FER: variants seen among roughly 807,000 people sequenced by gnomAD.
The protein encoded by FER is tyrosine-protein kinase Fer.
In FER, 63 loss-of-function variants were observed where a neutral mutation model predicts 111.0. The observed-to-expected ratio is 0.57, with a 90% confidence interval of 0.46 to 0.70. The LOEUF is 0.70. FER is among the 30% of genes least tolerant of loss of function. The probability of loss-of-function intolerance (pLI) is 0.00; values close to 1 mark genes in which losing one functional copy is unlikely to be tolerated. For synonymous variants in FER, 327 were observed against 313.9 expected, an observed-to-expected ratio of 1.04 and a Z score of -0.44; for missense variants, 914 against 954.0, an observed-to-expected ratio of 0.96 and a Z score of 0.55.
chr5:109,176,945 T>C (rs1384594656), intron 17 of FER, among the ~76,000 whole-genome samples: 2 of 152,214 alleles, frequency 1.3e-5, no homozygotes, highest in African/African-American at 2.4e-5. Context: ...GTCAGGTTTG[T>C]AAACAAATAT....
chr5:108,909,104 G>C (rs150753903), intron 10 of FER, among the ~76,000 whole-genome samples: 1 of 152,286 alleles, frequency 6.6e-6, no homozygotes, highest in African/African-American at 2.4e-5. Context: ...TTTTGACAAT[G>C]TATGTAGTGA....
chr5:108,792,013 G>C (rs370525872), intron 2 of FER, among the ~76,000 whole-genome samples: 51 of 152,274 alleles, frequency 3.3e-4, no homozygotes, highest in African/African-American at 9.9e-4. Flanking sequence ...TTTGCATTTG[G>C]CCCCTCTAGT....
intron 1 of FER, among the ~76,000 whole-genome samples, chr5:108,764,725 A>C (rs1400985373): frequency 6.6e-6 from 1 of 152,192 alleles, no homozygotes; most frequent in African/African-American, 2.4e-5. Context: ...ATGGTTGTAA[A>C]ATTATACTTA....
intron 10 of FER, among the ~76,000 whole-genome samples, chr5:108,925,840 G>A (rs1039043352): frequency 1.3e-5 from 2 of 151,844 alleles, no homozygotes; most frequent in African/African-American, 4.8e-5. Context: ...TGCTTATCTG[G>A]TTTATAAATT....
intron 13 of FER, among the ~76,000 whole-genome samples, chr5:108,966,393 T>C (rs981779967): frequency 4.7e-4 from 70 of 149,868 alleles, no homozygotes; most frequent in African/African-American, 5.4e-4. Flanking sequence ...CTTTTCTTTT[T>C]TTTTTTTTTT....
rs537328202 is a variant in FER at position 108,983,854 on chromosome 5, T to C, written c.1656+24507T>C. Among the ~76,000 whole-genome samples, 18 of 152,292 alleles carry C rather than the reference T, an allele frequency of 1.2e-4. 1 individual carries two copies. In the East Asian group the frequency reaches 2.3e-3, roughly 20 times the overall value. The stretch of plus-strand genomic sequence containing the variant: ...AGAATTATGAGACATCTCAAATAGC[T>C]ACTGAAAGCAAGCTAACACACCGGT... On this transcript the variant is annotated intron_variant, in intron 13 of 19. Coordinates refer to ENST00000281092, the MANE Select transcript of FER (RefSeq NM_005246.4).
intron 17 of FER, among the ~76,000 whole-genome samples, chr5:109,172,132 G>T (rs1757168919): frequency 6.6e-6 from 1 of 151,956 alleles, no homozygotes; most frequent in Admixed American, 6.6e-5. Context: ...TCCCATTACT[G>T]GGTATATACC....
intron 17 of FER, among the ~76,000 whole-genome samples, chr5:109,128,725 C>T (rs1414156078): frequency 6.6e-6 from 1 of 152,020 alleles, no homozygotes; most frequent in Admixed American, 6.6e-5. Flanking sequence ...AATAAATACA[C>T]ATATTATGTA....
At chr5:108,770,987 A>T (rs1580441398) in intron 2 of FER, among the ~76,000 whole-genome samples, 1 of 151,754 alleles carries the variant, frequency 6.6e-6, no homozygotes, top group East Asian at 1.9e-4. Context: ...CCCAGGCTGG[A>T]GTGCAGTGGT....
At chr5:108,932,707 A>G (rs962840940) in intron 10 of FER, among the ~76,000 whole-genome samples, 2 of 152,004 alleles carry the variant, frequency 1.3e-5, no homozygotes, top group Non-Finnish European at 1.5e-5. Context: ...CTTTTTAATG[A>G]TTACCATTCT....
chr5:108,975,208 C>G (rs1761175926), intron 13 of FER, among the ~76,000 whole-genome samples: 1 of 152,004 alleles, frequency 6.6e-6, no homozygotes, highest in African/African-American at 2.4e-5. Flanking sequence ...ACAGTGAGAA[C>G]ACATGGACAC....
At chr5:108,770,690 C>T (rs1430745138) in intron 2 of FER, among the ~76,000 whole-genome samples, 1 of 152,106 alleles carries the variant, frequency 6.6e-6, no homozygotes, top group East Asian at 1.9e-4. Context: ...TGGAGATTTT[C>T]AAGCATCTCA....
At chr5:109,031,024 A>G (rs1410734677) in intron 13 of FER, among the ~76,000 whole-genome samples, 1 of 152,000 alleles carries the variant, frequency 6.6e-6, no homozygotes, top group African/African-American at 2.4e-5. Flanking sequence ...TGGTGGGGCA[A>G]AGCAGTCTTA....
At chr5:108,801,994 G>A (rs1756706339) in intron 3 of FER, among the ~76,000 whole-genome samples, 1 of 152,212 alleles carries the variant, frequency 6.6e-6, no homozygotes, top group Admixed American at 6.5e-5. Flanking sequence ...GCAGGACAGA[G>A]TGGGGAGGCT....
intron 17 of FER, among the ~76,000 whole-genome samples, chr5:109,135,858 A>T (rs1752840520): frequency 6.6e-6 from 1 of 152,142 alleles, no homozygotes; most frequent in Admixed American, 6.6e-5. Flanking sequence ...GCGCTCAAAA[A>T]CAGAAAAGAA....
At chr5:109,050,141 T>A (rs1382514490) in intron 16 of FER, among the ~76,000 whole-genome samples, 1 of 152,158 alleles carries the variant, frequency 6.6e-6, no homozygotes, top group Non-Finnish European at 1.5e-5. Context: ...CAAGCATCAG[T>A]GATTACATTT....
At chr5:109,057,223 A>G (rs1773766422) in intron 16 of FER, among the ~76,000 whole-genome samples, 1 of 152,244 alleles carries the variant, frequency 6.6e-6, no homozygotes, top group African/African-American at 2.4e-5. Context: ...TAGCTTAAGA[A>G]ATTAGAATAA....
intron 13 of FER, among the ~76,000 whole-genome samples, chr5:109,035,259 A>G (rs979765886): frequency 1.3e-5 from 2 of 151,830 alleles, no homozygotes; most frequent in African/African-American, 4.8e-5. Flanking sequence ...GAACATTTTT[A>G]TAACCCCCCG....
chr5:109,065,066 A>G (rs1248979300), intron 16 of FER, among the ~76,000 whole-genome samples: 1 of 152,174 alleles, frequency 6.6e-6, no homozygotes, highest in Admixed American at 6.5e-5. Flanking sequence ...CAATTGAAAT[A>G]AAAAACAAAT....
Sources: gnomAD v4.1 joint callset for allele counts (sites outside exome capture counted in the v4.1 genomes callset) on GRCh38, gnomAD v4.1.1 for gene constraint, MANE v1.5 for transcripts, NCBI Gene and HGNC (gene_info 2026-07-23, HGNC 2026-07-21) for gene names.